PCCA: variants seen among roughly 807,000 people sequenced by gnomAD.
PCCA encodes propionyl-CoA carboxylase subunit alpha, also known as propionyl-CoA carboxylase alpha chain, mitochondrial.
PCCA carries 74 observed loss-of-function variants against 101.3 expected under a neutral mutation model. The ratio of observed to expected loss-of-function variants is 0.73; its 90% CI spans 0.61 to 0.89. The LOEUF (loss-of-function observed/expected upper bound fraction) is 0.89. PCCA is among the 40% of genes least tolerant of loss of function. The pLI, the probability that PCCA is intolerant of heterozygous loss-of-function variation, is 0.00. For missense variants in PCCA, 891 were observed against 907.0 expected, an observed-to-expected ratio of 0.98 and a Z score of 0.23; for synonymous variants, 294 against 313.6, an observed-to-expected ratio of 0.94 and a Z score of 0.66.
intron 18 of PCCA, among the ~76,000 whole-genome samples, chr13:100,353,631 G>A (rs2073557402): frequency 6.6e-6 from 1 of 152,010 alleles, no homozygotes; most frequent in Admixed American, 6.6e-5. Context: ...GTGCTTAGAG[G>A]GAAATGAGAG....
chr13:100,391,751 T>C (rs1270907280), intron 19 of PCCA, among the ~76,000 whole-genome samples: 6 of 152,202 alleles, frequency 3.9e-5, no homozygotes, highest in Non-Finnish European at 8.8e-5. Flanking sequence ...CAACACGTTT[T>C]TCAAAAGTCT....
At chr13:100,476,960 T>A (rs75586197) in intron 21 of PCCA, among the ~76,000 whole-genome samples, 2,846 of 152,294 alleles carry the variant, frequency 0.019, 94 homozygotes, top group African/African-American at 0.064. Flanking sequence ...GTATTAAATC[T>A]CTACAGAAAT....
chr13:100,401,710 G>A (rs553898550), intron 19 of PCCA, among the ~76,000 whole-genome samples: 4 of 152,008 alleles, frequency 2.6e-5, no homozygotes, highest in Admixed American at 6.5e-5. Context: ...TTTCTGGTAA[G>A]TGCTACCAAA....
At chr13:100,308,633 T>C (rs560331575) in intron 15 of PCCA, among the ~76,000 whole-genome samples, 66 of 152,314 alleles carry the variant, frequency 4.3e-4, no homozygotes, top group African/African-American at 1.5e-3. Context: ...GCCTAAGTTA[T>C]TAGTAGTATT....
intron 20 of PCCA, among the ~76,000 whole-genome samples, chr13:100,426,695 G>A (rs139547612): frequency 6.6e-6 from 1 of 151,924 alleles, no homozygotes; most frequent in Non-Finnish European, 1.5e-5. Flanking sequence ...TTGGTAATAA[G>A]CCCTATATTT....
intron 6 of PCCA, among the ~76,000 whole-genome samples, chr13:100,166,506 C>T (rs899431187): frequency 1.3e-5 from 2 of 152,100 alleles, no homozygotes; most frequent in Non-Finnish European, 2.9e-5. Context: ...GTCATGTTGG[C>T]CAGGCTGGTT....
intron 10 of PCCA, among the ~76,000 whole-genome samples, chr13:100,263,821 A>T (rs902817927): frequency 8.7e-6 from 1 of 114,336 alleles, no homozygotes; most frequent in Non-Finnish European, 2.0e-5. Flanking sequence ...TCTGTATATC[A>T]TATATATGGT....
chr13:100,516,751 GTGTGTGTGTAA>G (rs1252434290), intron 22 of PCCA, among the ~76,000 whole-genome samples: 1 of 134,164 alleles, frequency 7.5e-6, no homozygotes, highest in Non-Finnish European at 1.7e-5. Flanking sequence ...GTGTGTGTGT[GTGTGTGTGTAA>G]TGTGTGTAAA....
chr13:100,522,051 C>T (rs2087343061), intron 22 of PCCA, among the ~76,000 whole-genome samples: 2 of 152,134 alleles, frequency 1.3e-5, no homozygotes, highest in African/African-American at 2.4e-5. Context: ...ACTCTTGCAT[C>T]GAAACAGTTG....
chr13:100,446,977 C>T (rs926158046), intron 20 of PCCA, among the ~76,000 whole-genome samples: 11 of 152,200 alleles, frequency 7.2e-5, no homozygotes, highest in Non-Finnish European at 1.3e-4. Context: ...TAGTGTCTTT[C>T]CCCGTCATTT....
chr13:100,240,990 G>A (rs946566128), intron 8 of PCCA, among the ~76,000 whole-genome samples: 2 of 152,088 alleles, frequency 1.3e-5, no homozygotes, highest in African/African-American at 4.8e-5. Context: ...TTTCCCTGGA[G>A]ATTTCCCTCA....
intron 2 of PCCA, among the ~76,000 whole-genome samples, chr13:100,110,347 G>A (rs528698390): frequency 6.6e-6 from 1 of 152,134 alleles, no homozygotes; most frequent in Non-Finnish European, 1.5e-5. Flanking sequence ...AAAACGATTA[G>A]CTTGTACAAT....
At chr13:100,448,058 A>G (rs1191551419) in intron 20 of PCCA, among the ~76,000 whole-genome samples, 1 of 152,268 alleles carries the variant, frequency 6.6e-6, no homozygotes, top group Non-Finnish European at 1.5e-5. Context: ...AACTTAAAAA[A>G]ATGATGCTGG....
chr13:100,090,876 A>G (rs2046217697), intron 1 of PCCA, among the ~76,000 whole-genome samples: 1 of 152,208 alleles, frequency 6.6e-6, no homozygotes, highest in Admixed American at 6.5e-5. Context: ...CAGGATTTAG[A>G]ACTCCAGAAC....
intron 19 of PCCA, among the ~76,000 whole-genome samples, chr13:100,372,569 A>G (rs549757101): frequency 6.6e-6 from 1 of 152,210 alleles, no homozygotes; most frequent in African/African-American, 2.4e-5. Flanking sequence ...CATTCTAAAC[A>G]CTATAAATAT....
intron 18 of PCCA, among the ~76,000 whole-genome samples, chr13:100,362,078 A>G (rs1202280823): frequency 6.6e-6 from 1 of 152,278 alleles, no homozygotes; most frequent in Non-Finnish European, 1.5e-5. Context: ...AAAAGGATGA[A>G]CTATTCAACA....
intron 18 of PCCA, among the ~76,000 whole-genome samples, chr13:100,356,909 A>G (rs959711158): frequency 9.9e-5 from 15 of 152,216 alleles, no homozygotes; most frequent in Non-Finnish European, 2.1e-4. Context: ...TGAGCTATTG[A>G]TATTTTCTGC....
chr13:100,330,144 T>C (rs1419558776), intron 16 of PCCA, among the ~76,000 whole-genome samples: 1 of 152,186 alleles, frequency 6.6e-6, no homozygotes, highest in Non-Finnish European at 1.5e-5. Context: ...AAAAATGCTC[T>C]CCAAGAGTTC....
intron 17 of PCCA, among the ~76,000 whole-genome samples, chr13:100,336,672 G>T (rs901082812): frequency 6.6e-6 from 1 of 152,282 alleles, no homozygotes; most frequent in Admixed American, 6.5e-5. Context: ...TGTGCTCTAG[G>T]CTCTGGGAAT....
Sources: gnomAD v4.1 joint callset for allele counts (sites outside exome capture counted in the v4.1 genomes callset) on GRCh38, gnomAD v4.1.1 for gene constraint, MANE v1.5 for transcripts, NCBI Gene and HGNC (gene_info 2026-07-23, HGNC 2026-07-21) for gene names.